The following CNTNAP5 variants were observed in gnomAD, a reference collection of about 807,000 sequenced individuals.
CNTNAP5 encodes contactin associated protein family member 5.
A neutral mutation model predicts 150.2 loss-of-function variants in CNTNAP5; 72 were observed. The ratio of observed to expected loss-of-function variants is 0.48; its 90% CI spans 0.40 to 0.58. CNTNAP5 has a LOEUF of 0.58. CNTNAP5 is among the 20% of genes least tolerant of loss of function. CNTNAP5 has a pLI of 0.00. For synonymous variants in CNTNAP5, 672 were observed against 619.8 expected (o/e 1.08, Z -1.25); for missense variants, 1,636 against 1,626.2 (o/e 1.01, Z -0.10).
chr2:124,652,645 T>C (rs1031432967), intron 13 of CNTNAP5, among the ~76,000 whole-genome samples: 1 of 152,174 alleles, frequency 6.6e-6, no homozygotes, highest in East Asian at 1.9e-4. Context: ...GAGAGGGGTA[T>C]AGCAAGTGAC....
At chr2:124,427,587 G>T (rs188555481) in intron 4 of CNTNAP5, among the ~76,000 whole-genome samples, 1 of 151,964 alleles carries the variant, frequency 6.6e-6, no homozygotes, top group East Asian at 1.9e-4. Flanking sequence ...CTCCCGAGTA[G>T]CTGGGATTAC....
At chr2:124,637,472 G>A (rs73952852) in intron 12 of CNTNAP5, among the ~76,000 whole-genome samples, 1,819 of 152,294 alleles carry the variant, frequency 0.012, 29 homozygotes, top group African/African-American at 0.041. Flanking sequence ...ACATCAGTTT[G>A]TCCCGATACT....
chr2:124,241,653 G>T (rs1300475796), intron 2 of CNTNAP5, among the ~76,000 whole-genome samples: 1 of 152,122 alleles, frequency 6.6e-6, no homozygotes. Context: ...ATAAATGAAT[G>T]ATACTCTTCA....
At chr2:124,158,958 A>G (rs1163707271) in intron 1 of CNTNAP5, among the ~76,000 whole-genome samples, 5 of 152,192 alleles carry the variant, frequency 3.3e-5, no homozygotes, top group Admixed American at 2.6e-4. Flanking sequence ...GGAATCTTAC[A>G]GTTCAACTTC....
intron 13 of CNTNAP5, among the ~76,000 whole-genome samples, chr2:124,700,787 TA>T (rs1194062888): frequency 6.6e-6 from 1 of 152,028 alleles, no homozygotes; most frequent in African/African-American, 2.4e-5. Flanking sequence ...ATTTTTACAA[TA>T]TATTTAATAG....
At chr2:124,278,645 C>CA (rs1687944397) in intron 3 of CNTNAP5, among the ~76,000 whole-genome samples, 2 of 152,298 alleles carry the variant, frequency 1.3e-5, no homozygotes, top group South Asian at 4.1e-4. Context: ...CAAACCCAAT[C>CA]TGCTCATTCC....
chr2:124,744,155 G>A (rs1347089044), intron 13 of CNTNAP5, among the ~76,000 whole-genome samples: 3 of 152,114 alleles, frequency 2.0e-5, no homozygotes, highest in Non-Finnish European at 4.4e-5. Context: ...TGTTGTGGGA[G>A]GGACCAGGTG....
At chr2:124,883,305 A>ATGTG (rs1291246592) in intron 21 of CNTNAP5, among the ~76,000 whole-genome samples, 1 of 151,804 alleles carries the variant, frequency 6.6e-6, no homozygotes, top group African/African-American at 2.4e-5. Context: ...CAAGCAATCT[A>ATGTG]TGTGTCTCAG....
At chr2:124,713,246 T>C (rs1679852009) in intron 13 of CNTNAP5, among the ~76,000 whole-genome samples, 1 of 66,412 alleles carries the variant, frequency 1.5e-5, no homozygotes, top group East Asian at 4.5e-4. Flanking sequence ...TTTCTTTCTC[T>C]TTCTTTCTTT....
chr2:124,905,069 G>GA (rs1311927500), intron 22 of CNTNAP5, among the ~76,000 whole-genome samples: 1 of 122,424 alleles, frequency 8.2e-6, no homozygotes, highest in Non-Finnish European at 1.8e-5. Context: ...AGAAAGAAAA[G>GA]AAAAACACTT....
chr2:124,082,056 G>T (rs1323250389), intron 1 of CNTNAP5, among the ~76,000 whole-genome samples: 1 of 151,992 alleles, frequency 6.6e-6, no homozygotes, highest in Non-Finnish European at 1.5e-5. Context: ...TTATATAAAA[G>T]GACTCACACA....
chr2:124,649,453 C>A (rs1051324718), intron 13 of CNTNAP5, among the ~76,000 whole-genome samples: 1 of 152,146 alleles, frequency 6.6e-6, no homozygotes, highest in Non-Finnish European at 1.5e-5. Context: ...TTGAAGGTTT[C>A]GGTTTGGCCG....
chr2:124,400,685 T>G (rs200241155), intron 3 of CNTNAP5, among the ~76,000 whole-genome samples: 8,832 of 140,946 alleles, frequency 0.063, 388 homozygotes, highest in South Asian at 0.086. Flanking sequence ...TTTTTTTTTT[T>G]TTTGTTTTTT....
intron 11 of CNTNAP5, among the ~76,000 whole-genome samples, chr2:124,584,160 C>A (rs965894886): frequency 8.4e-4 from 128 of 152,308 alleles, no homozygotes; most frequent in African/African-American, 3.0e-3. Flanking sequence ...ACACACCAGC[C>A]CTTACTGACA....
chr2:124,339,852 T>A (rs2104690439), intron 3 of CNTNAP5, among the ~76,000 whole-genome samples: 1 of 152,160 alleles, frequency 6.6e-6, no homozygotes, highest in East Asian at 1.9e-4. Flanking sequence ...GTGTGGAAAG[T>A]GGTTTTCTTC....
intron 13 of CNTNAP5, among the ~76,000 whole-genome samples, chr2:124,665,600 A>G (rs1379815381): frequency 1.3e-5 from 2 of 152,162 alleles, no homozygotes; most frequent in South Asian, 2.1e-4. Context: ...TAGCTAAAAA[A>G]TATTGGCCAG....
chr2:124,204,889 A>C (rs1685824442), intron 1 of CNTNAP5, among the ~76,000 whole-genome samples: 2 of 152,182 alleles, frequency 1.3e-5, no homozygotes, highest in Non-Finnish European at 2.9e-5. Context: ...GAAGACAGGT[A>C]GAATCTGAAG....
At chr2:124,778,046 A>C (rs952583642) in intron 17 of CNTNAP5, among the ~76,000 whole-genome samples, 2 of 152,184 alleles carry the variant, frequency 1.3e-5, no homozygotes, top group Non-Finnish European at 2.9e-5. Context: ...TAATTGTAAA[A>C]AGAAACTTAA....
At chr2:124,892,246 G>T (rs1202636137) in intron 21 of CNTNAP5, among the ~76,000 whole-genome samples, 2 of 152,148 alleles carry the variant, frequency 1.3e-5, no homozygotes, top group Non-Finnish European at 2.9e-5. Flanking sequence ...TCTGGAATCA[G>T]ATGGAGAAAC....
Sources: gnomAD v4.1 joint callset for allele counts (sites outside exome capture counted in the v4.1 genomes callset) on GRCh38, gnomAD v4.1.1 for gene constraint, MANE v1.5 for transcripts, NCBI Gene and HGNC (gene_info 2026-07-23, HGNC 2026-07-21) for gene names.